Variants in OC90 observed in about 807,000 individuals in gnomAD.
OC90 encodes the protein otoconin-90.
A neutral mutation model predicts 47.3 loss-of-function variants in OC90; 46 were observed. That is an observed-to-expected ratio of 0.97 (90% CI 0.77 to 1.24). The LOEUF (loss-of-function observed/expected upper bound fraction) is 1.24, where lower values mean the gene tolerates loss of function less well. Ranked by LOEUF, OC90 falls within the 50% of genes most tolerant of loss-of-function variation. The probability of loss-of-function intolerance (pLI) is 0.00; values close to 1 mark genes in which losing one functional copy is unlikely to be tolerated. For synonymous variants in OC90, 271 were observed against 219.5 expected, an observed-to-expected ratio of 1.23 and a Z score of -2.07; for missense variants, 688 against 583.9, an observed-to-expected ratio of 1.18 and a Z score of -1.84.
rs1201010281 is a variant in OC90, at chr8:132,032,895, G to A, written c.859+144C>T. On this transcript the variant is annotated intron_variant, in intron 11 of 13. Transcript: ENST00000254627. ...AGCTTACATCTCCTCTGAGCCTCAA[G>A]GTGCTCATGCAGTCAGGGGGATGAT... 10 of 923,504 alleles carry A rather than the reference G, an allele frequency of 1.1e-5. No homozygotes were observed. The East Asian group carries it at 2.5e-4, about 23-fold the overall frequency. The allele number at this position is 923,504 out of a possible 1,614,324, so 57.2% of individuals were successfully genotyped here.
chr8:132,041,833 C>T, intron 4 of OC90, 134 bp from the exon 5 acceptor site: 2 of 528,596 alleles, frequency 3.8e-6, no homozygotes, highest in Non-Finnish European at 6.6e-6. Context: ...TGTAATAAAA[C>T]TGTTTTAGAC....
chr8:132,058,685 G>C (rs2130867745), intron 1 of OC90, among the ~76,000 whole-genome samples: 1 of 152,314 alleles, frequency 6.6e-6, no homozygotes, highest in African/African-American at 2.4e-5. Flanking sequence ...TAAATCTGAT[G>C]AGTCTTATAA....
intron 11 of OC90, among the ~76,000 whole-genome samples, 198 bp from the exon 12 acceptor site, chr8:132,032,250 G>A (rs1305752120): frequency 6.6e-6 from 1 of 152,174 alleles, no homozygotes; most frequent in African/African-American, 2.4e-5. Flanking sequence ...GTCTTTCGGA[G>A]AGCAAGTCTT....
At chr8:132,037,254 A>T (rs7016757) in intron 9 of OC90, among the ~76,000 whole-genome samples, 184 bp downstream of exon 9, 3,222 of 152,276 alleles carry the variant, frequency 0.021, 100 homozygotes, top group African/African-American at 0.072. Flanking sequence ...AGTGTTGGAG[A>T]TGGGGCCTGG....
chr8:132,035,077 C>T (rs1304352727), intron 9 of OC90, among the ~76,000 whole-genome samples: 1 of 152,204 alleles, frequency 6.6e-6, no homozygotes, highest in Non-Finnish European at 1.5e-5. Context: ...AGGCTGGAAG[C>T]AAGTGAGTTA....
At chr8:132,052,182 C>G (rs574376104) in intron 2 of OC90, among the ~76,000 whole-genome samples, 1 of 152,226 alleles carries the variant, frequency 6.6e-6, no homozygotes, top group East Asian at 1.9e-4. Flanking sequence ...GGAATTCCCT[C>G]CTGCCTGAGA....
rs543234090 is a variant in OC90, at chr8:132,044,988, T to G, written c.113-499A>C. Among the ~76,000 whole-genome samples the G allele has an allele frequency of 2.0e-5, 3 of 152,340 alleles. No individual in the cohort carries two copies. The East Asian group carries it at 5.8e-4, about 29-fold the overall frequency. ...GTTTGTTATCTGGGATCCCCAGAAC[T>G]GCTGTGTAGATTGCCGTGAGGGCTA... On this transcript the variant is annotated intron_variant, in intron 3 of 13. Coordinates refer to ENST00000254627, the MANE Select transcript of OC90 (RefSeq NM_001080399.3).
intron 6 of OC90, 68 bp from the exon 7 acceptor site, chr8:132,039,191 C>T (rs567297279): frequency 6.6e-7 from 1 of 1,519,570 alleles, no homozygotes; most frequent in African/African-American, 1.4e-5. Flanking sequence ...AATGCAAGCT[C>T]CAAGACTGAG....
chr8:132,052,543 C>T (rs555756394), intron 2 of OC90, among the ~76,000 whole-genome samples: 1 of 152,298 alleles, frequency 6.6e-6, no homozygotes, highest in South Asian at 2.1e-4. Context: ...CCCACACTCA[C>T]ACTTACTTTC....
intron 2 of OC90, among the ~76,000 whole-genome samples, chr8:132,054,107 C>T (rs1160682692): frequency 6.6e-6 from 1 of 152,198 alleles, no homozygotes; most frequent in African/African-American, 2.4e-5. Flanking sequence ...CAAGGGCCTA[C>T]GGCTGTGCTT....
chr8:132,054,062 C>T (rs1823250243), intron 2 of OC90, among the ~76,000 whole-genome samples: 1 of 152,180 alleles, frequency 6.6e-6, no homozygotes, highest in Admixed American at 6.5e-5. Context: ...GAGAAGGGAC[C>T]TTGCGGAGCT....
intron 2 of OC90, among the ~76,000 whole-genome samples, chr8:132,052,628 G>T (rs1410293069): frequency 6.6e-6 from 1 of 152,166 alleles, no homozygotes; most frequent in African/African-American, 2.4e-5. Flanking sequence ...TATCCCCGAG[G>T]ACTAAGTTAG....
At chr8:132,028,648 AAGG>A in intron 13 of OC90, among the ~76,000 whole-genome samples, 1 of 109,848 alleles carries the variant, frequency 9.1e-6, no homozygotes, top group African/African-American at 3.4e-5. Context: ...GAAAGGAAGG[AAGG>A]AAGAAAGAAA....
chr8:132,047,798 G>T (rs927892516), intron 2 of OC90, among the ~76,000 whole-genome samples: 12 of 152,112 alleles, frequency 7.9e-5, no homozygotes, highest in African/African-American at 2.7e-4. Flanking sequence ...ATTATAAAAT[G>T]GTCATCTATG....
chr8:132,054,654 T>C (rs76863097), intron 2 of OC90, among the ~76,000 whole-genome samples: 8,623 of 152,294 alleles, frequency 0.057, 296 homozygotes, highest in Non-Finnish European at 0.065. Context: ...AAACTTTCTA[T>C]GACTGTAATT....
chr8:132,036,370 C>T (rs61748717), intron 9 of OC90: 1 of 780,730 alleles, frequency 1.3e-6, no homozygotes, highest in Non-Finnish European at 2.4e-6. Context: ...CCTCTGCTTA[C>T]TTTTCTTGGA....
chr8:132,031,259 T>A (rs1252214913), intron 12 of OC90, among the ~76,000 whole-genome samples: 1 of 152,232 alleles, frequency 6.6e-6, no homozygotes, highest in Non-Finnish European at 1.5e-5. Flanking sequence ...GAAGGTTGAA[T>A]CATTGTTATA....
In OC90 at chr8:132,029,250, G is replaced by C. The variant is rs1822837496; in HGVS notation, c.1032-71C>G. The C allele has an allele frequency of 6.8e-6, 8 of 1,184,992 alleles. No individual in the cohort carries two copies. The African/African-American group carries it at 9.0e-5, about 13-fold the overall frequency. The allele number at this position is 1,184,992 out of a possible 1,614,324, so 73.4% of individuals were successfully genotyped here. A position where few individuals can be genotyped will look rare whatever the true frequency, so the allele number is the denominator to read the frequency against. Reference sequence around the variant, plus strand: ...CTAGGAACCCCCTCAAGCACAGCCTGCTTCTCCCACATACCCTATAGTAGT... The same window carrying C: ...CTAGGAACCCCCTCAAGCACAGCCTCCTTCTCCCACATACCCTATAGTAGT... On this transcript the variant is annotated intron_variant, in intron 12 of 13. Transcript: ENST00000254627.
In OC90 at chr8:132,029,151, CT is replaced by C. The variant is rs753133976; in HGVS notation, c.1059del (p.Glu354SerfsTer3). 1.9e-6 allele frequency: 3 copies of C among 1,613,828 alleles called. No individual in the cohort carries two copies. The highest frequency in any genetic ancestry group is 2.5e-6 in the Non-Finnish European group (3 of 1,179,854). On this transcript the variant is annotated frameshift_variant, in exon 13 of 14. Coordinates refer to ENST00000254627, the MANE Select transcript of OC90 (RefSeq NM_001080399.3). LOFTEE classifies it high-confidence loss of function. ...DRCCLSHHCC[L>X]EQVRRLGCLL... ...AGGCAGCCCAGCCTTCTCACTTGCTCTAGGCAGCAGTGATGGGACAAGCAGC... is the reference window on the plus strand; with the variant it reads ...AGGCAGCCCAGCCTTCTCACTTGCTCAGGCAGCAGTGATGGGACAAGCAGC...
Sources: gnomAD v4.1 joint callset for allele counts (sites outside exome capture counted in the v4.1 genomes callset) on GRCh38, gnomAD v4.1.1 for gene constraint, MANE v1.5 for transcripts, NCBI Gene and HGNC (gene_info 2026-07-23, HGNC 2026-07-21) for gene names.